Variants in ANO4 observed in about 807,000 individuals in gnomAD.
ANO4 encodes the protein anoctamin-4.
Under a neutral mutation model 141.9 loss-of-function variants are expected in ANO4, and 69 were observed. The observed-to-expected ratio is 0.49, with a 90% CI of 0.40 to 0.59. The LOEUF (loss-of-function observed/expected upper bound fraction) is 0.59. ANO4 is among the 20% of genes least tolerant of loss of function. ANO4 has a pLI of 0.00. For missense variants in ANO4, 894 were observed against 1,162.2 expected, an observed-to-expected ratio of 0.77 and a Z score of 3.36; for synonymous variants, 350 against 394.3, an observed-to-expected ratio of 0.89 and a Z score of 1.33.
chr12:101,002,637 T>G (rs2045699745), intron 8 of ANO4, among the ~76,000 whole-genome samples: 1 of 152,296 alleles, frequency 6.6e-6, no homozygotes, highest in Admixed American at 6.5e-5. Context: ...CAGTAACGAG[T>G]TCAGGTGTCA....
At chr12:101,043,677 A>T (rs772794377) in intron 13 of ANO4, 42 bp downstream of exon 13, 5 of 1,434,326 alleles carry the variant, frequency 3.5e-6, no homozygotes, top group Non-Finnish European at 4.9e-6. Flanking sequence ...TGAATTTAAC[A>T]TACACCTTCC....
At chr12:100,855,158 C>T (rs1216208389) in intron 1 of ANO4, among the ~76,000 whole-genome samples, 2 of 152,030 alleles carry the variant, frequency 1.3e-5, no homozygotes, top group Non-Finnish European at 2.9e-5. Flanking sequence ...TCAAGCTTGG[C>T]TTTGTAATGC....
intron 8 of ANO4, among the ~76,000 whole-genome samples, chr12:100,999,165 A>G (rs2045528720): frequency 6.6e-6 from 1 of 152,216 alleles, no homozygotes; most frequent in Non-Finnish European, 1.5e-5. Flanking sequence ...TCATCTTACA[A>G]TTCTGAAGGC....
At chr12:101,047,232 G>A (rs541638470) in intron 13 of ANO4, among the ~76,000 whole-genome samples, 12 of 152,280 alleles carry the variant, frequency 7.9e-5, no homozygotes, top group African/African-American at 2.6e-4. Context: ...CTGGGTGACA[G>A]AGTCAGAATC....
At chr12:101,102,070 C>A (rs1371430956) in intron 22 of ANO4, among the ~76,000 whole-genome samples, 2 of 151,652 alleles carry the variant, frequency 1.3e-5, no homozygotes, top group Non-Finnish European at 2.9e-5. Context: ...GGAGAGAGAG[C>A]AAAACTCCGT....
intron 14 of ANO4, chr12:101,068,735 A>T: frequency 7.7e-7 from 1 of 1,300,038 alleles, no homozygotes; most frequent in Non-Finnish European, 1.1e-6. Context: ...TCTCATAAAA[A>T]TGTTGCCGAT....
upstream of ANO4, among the ~76,000 whole-genome samples, chr12:100,791,414 A>C (rs1565877515): frequency 6.6e-6 from 1 of 152,138 alleles, no homozygotes; most frequent in Non-Finnish European, 1.5e-5. Flanking sequence ...TGTCTCCAAA[A>C]AACAACAACA....
chr12:100,745,032 C>A (rs2032041283), intron 3 of ANO4, among the ~76,000 whole-genome samples: 1 of 152,030 alleles, frequency 6.6e-6, no homozygotes, highest in South Asian at 2.1e-4. Flanking sequence ...CTGCCCTCCA[C>A]TTGAAAATCT....
chr12:100,785,700 A>G (rs2033852764), intron 3 of ANO4, among the ~76,000 whole-genome samples: 1 of 152,194 alleles, frequency 6.6e-6, no homozygotes, highest in Non-Finnish European at 1.5e-5. Flanking sequence ...TAAAGCAGCT[A>G]TAGACATTCA....
intron 8 of ANO4, among the ~76,000 whole-genome samples, chr12:100,996,013 G>T (rs2045352625): frequency 6.6e-6 from 1 of 152,228 alleles, no homozygotes; most frequent in African/African-American, 2.4e-5. Flanking sequence ...ATGGTCAATT[G>T]TGGTTTCCAT....
Position 100,869,366 on chromosome 12 carries a change from G to C in ANO4, c.-140-32280G>C, listed in dbSNP as rs2038920357. Among the ~76,000 whole-genome samples the C allele has an allele frequency of 2.0e-5, 3 of 152,328 alleles. No individual in the cohort carries two copies. The South Asian group carries it at 6.2e-4, about 32-fold the overall frequency. On this transcript the variant is annotated intron_variant, in intron 1 of 27. Coordinates refer to ENST00000392977, the MANE Select transcript of ANO4 (RefSeq NM_001286615.2). Reference sequence around the variant, plus strand: ...GTCTTAGATCAAGAGGCAGTGAGAGGTGATAGGAATGAGTCCTGAGGGAAT... The same window carrying C: ...GTCTTAGATCAAGAGGCAGTGAGAGCTGATAGGAATGAGTCCTGAGGGAAT...
In ANO4 at chr12:100,803,288, T is replaced by C. The variant is rs555807527; in HGVS notation, c.-141+8261T>C. Among the ~76,000 whole-genome samples the C allele has an allele frequency of 1.2e-4, 19 of 152,144 alleles. No homozygotes were observed. The South Asian group carries it at 3.7e-3, about 30-fold the overall frequency. The stretch of plus-strand genomic sequence containing the variant: ...CATTCAGAGAAGAGACGGGAGTGAA[T>C]TAGAAAGTGAACATGCAAAAATTGA... On this transcript the variant is annotated intron_variant, in intron 1 of 27. Coordinates refer to ENST00000392977, the MANE Select transcript of ANO4 (RefSeq NM_001286615.2).
chr12:101,055,708 A>AT (rs2048087890), intron 14 of ANO4, among the ~76,000 whole-genome samples: 2 of 151,784 alleles, frequency 1.3e-5, no homozygotes, highest in South Asian at 4.2e-4. Flanking sequence ...TTCTGCACTC[A>AT]TTTTTTGTTT....
Position 101,096,549 on chromosome 12 carries a change from A to G in ANO4, c.1752A>G (p.Thr584=). ...TTTTGTCCACAGAACAGCCTCGCAC[A>G]GAGTCTGAGTGGGAGAACAGCTTCA... is the stretch of plus-strand genomic sequence containing the variant. ...LLLTNLEQPR[T]ESEWENSFTL... Residue 584 remains threonine, a synonymous_variant, in exon 19 of 28, where the codon ACA becomes ACG. Coordinates refer to ENST00000392977, the MANE Select transcript of ANO4 (RefSeq NM_001286615.2). The G allele has an allele frequency of 6.2e-7, 1 of 1,613,362 alleles. No homozygotes were observed. The highest frequency in any genetic ancestry group is 1.1e-5 in the South Asian group (1 of 91,076).
At chr12:100,807,161 C>T (rs2035107376) in intron 1 of ANO4, among the ~76,000 whole-genome samples, 1 of 152,116 alleles carries the variant, frequency 6.6e-6, no homozygotes, top group Admixed American at 6.5e-5. Flanking sequence ...CCAACAACTA[C>T]CTAGTTCTCT....
chr12:101,040,749 C>G (rs1301604036), intron 11 of ANO4, among the ~76,000 whole-genome samples: 1 of 151,736 alleles, frequency 6.6e-6, no homozygotes, highest in East Asian at 1.9e-4. Flanking sequence ...TGTTATCCCT[C>G]CCCTAGCCCC....
chr12:100,739,164 TTATA>T (rs904855502), intron 2 of ANO4, among the ~76,000 whole-genome samples: 4 of 149,308 alleles, frequency 2.7e-5, no homozygotes, highest in African/African-American at 9.8e-5. Context: ...ATATAAAAGT[TTATA>T]TATGTAAAAA....
intron 8 of ANO4, among the ~76,000 whole-genome samples, chr12:100,999,989 C>T (rs1259339405): frequency 1.3e-5 from 2 of 148,646 alleles, no homozygotes; most frequent in Admixed American, 6.8e-5. Context: ...GCAGAAGTTG[C>T]AGTGAGCCGA....
intron 1 of ANO4, among the ~76,000 whole-genome samples, chr12:100,810,694 G>A (rs958497509): frequency 2.0e-5 from 3 of 152,148 alleles, no homozygotes; most frequent in African/African-American, 7.2e-5. Context: ...AGTAAAATGG[G>A]CAAGTGTAGA....
Sources: allele counts gnomAD v4.1 joint callset (sites outside exome capture counted in the v4.1 genomes callset), GRCh38; gene constraint gnomAD v4.1.1; transcripts MANE v1.5; gene names NCBI Gene and HGNC (gene_info 2026-07-23, HGNC 2026-07-21).